STIMATE: variants seen among roughly 807,000 people sequenced by gnomAD.
The protein encoded by STIMATE is STIM activating enhancer.
A neutral mutation model predicts 36.7 loss-of-function variants in STIMATE; 15 were observed. That is an observed-to-expected ratio of 0.41 (90% CI 0.27 to 0.63). The LOEUF (loss-of-function observed/expected upper bound fraction) is 0.63. Among genes scored for constraint, STIMATE ranks in the 20% least tolerant of loss-of-function variants. The pLI, the probability that STIMATE is intolerant of heterozygous loss-of-function variation, is 0.32. For synonymous variants in STIMATE, 163 were observed against 162.3 expected, an observed-to-expected ratio of 1.00 and a Z score of -0.03; for missense variants, 305 against 397.3, an observed-to-expected ratio of 0.77 and a Z score of 1.98.
intron 2 of STIMATE, 73 bp downstream of exon 2, chr3:52,855,323 A>T: frequency 1.3e-6 from 2 of 1,546,728 alleles, no homozygotes; most frequent in Non-Finnish European, 1.8e-6. Context: ...CCAACACCAT[A>T]CCCCACCCCC....
At chr3:52,841,553 C>T (rs1404946990) in intron 7 of STIMATE, 1 of 152,254 alleles carries the variant, frequency 6.6e-6, no homozygotes, top group Non-Finnish European at 1.5e-5. Context: ...GGTCCAAAGC[C>T]CACCTATGCA....
At chr3:52,843,282 A>G (rs976962655) in intron 6 of STIMATE, 11 of 411,390 alleles carry the variant, frequency 2.7e-5, no homozygotes, top group East Asian at 4.8e-5. Context: ...CACAGACTCC[A>G]TGTGGGTGGC....
chr3:52,863,335 T>C (rs937509582), intron 1 of STIMATE, among the ~76,000 whole-genome samples: 20 of 151,930 alleles, frequency 1.3e-4, no homozygotes, highest in African/African-American at 4.8e-4. Flanking sequence ...CAAGAGAAAA[T>C]GAGGAAGATG....
At chr3:52,860,468 C>T in intron 1 of STIMATE, among the ~76,000 whole-genome samples, 1 of 152,110 alleles carries the variant, frequency 6.6e-6, no homozygotes, top group East Asian at 1.9e-4. Context: ...GGCAGAACAG[C>T]AGGGCGTGCG....
intron 1 of STIMATE, among the ~76,000 whole-genome samples, chr3:52,856,821 T>C (rs1701106941): frequency 6.6e-6 from 1 of 152,252 alleles, no homozygotes; most frequent in African/African-American, 2.4e-5. Context: ...CTTGGGTCTG[T>C]AGACACGATG....
intron 1 of STIMATE, chr3:52,895,843 A>G (rs898867612): frequency 2.4e-6 from 3 of 1,263,852 alleles, no homozygotes; most frequent in Non-Finnish European, 2.1e-6. Flanking sequence ...TGTCTGGAGG[A>G]CAGAGAAGTA....
chr3:52,859,531 A>AATTTTT (rs748928249), intron 1 of STIMATE, among the ~76,000 whole-genome samples: 4 of 18,814 alleles, frequency 2.1e-4, no homozygotes, highest in Non-Finnish European at 3.5e-4. Context: ...AAAAAAAAAA[A>AATTTTT]TTTTTTTTTT....
At chr3:52,844,140 C>T (rs976758799) in intron 5 of STIMATE, among the ~76,000 whole-genome samples, 3 of 152,142 alleles carry the variant, frequency 2.0e-5, no homozygotes, top group African/African-American at 4.8e-5. Flanking sequence ...ACAGTGGATG[C>T]TCATTATAGA....
chr3:52,854,250 GC>G (rs1701054787), intron 2 of STIMATE, among the ~76,000 whole-genome samples: 1 of 152,272 alleles, frequency 6.6e-6, no homozygotes, highest in African/African-American at 2.4e-5. Context: ...GAAGACAGGA[GC>G]CTTTTGCTCT....
At chr3:52,884,638 G>C (rs78737075) in intron 1 of STIMATE, among the ~76,000 whole-genome samples, 4,499 of 152,250 alleles carry the variant, frequency 0.03, 228 homozygotes, top group African/African-American at 0.1. Flanking sequence ...CCCTTTTCTA[G>C]AATTTCATAT....
intron 1 of STIMATE, among the ~76,000 whole-genome samples, chr3:52,878,997 A>T (rs1441918573): frequency 6.6e-6 from 1 of 152,070 alleles, no homozygotes; most frequent in Non-Finnish European, 1.5e-5. Context: ...AAGCAAAAAA[A>T]CTCTTCTTCT....
chr3:52,865,580 A>C (rs1701292391), intron 1 of STIMATE, among the ~76,000 whole-genome samples: 1 of 150,714 alleles, frequency 6.6e-6, no homozygotes, highest in South Asian at 2.1e-4. Flanking sequence ...TAAACCCATC[A>C]GATCTCATGA....
At chr3:52,859,645 T>C (rs868308225) in intron 1 of STIMATE, among the ~76,000 whole-genome samples, 1 of 141,086 alleles carries the variant, frequency 7.1e-6, no homozygotes, top group South Asian at 2.3e-4. Context: ...CACTGTACTC[T>C]ACCCTGGGGA....
intron 5 of STIMATE, 22 bp from the exon 6 acceptor site, chr3:52,843,820 G>T: frequency 1.9e-6 from 3 of 1,598,940 alleles, no homozygotes; most frequent in Non-Finnish European, 1.7e-6. Flanking sequence ...AGCAGACTCA[G>T]TGAGGTAGGG....
At chr3:52,844,696 A>G in intron 5 of STIMATE, 133 bp downstream of exon 5, 1 of 986,018 alleles carries the variant, frequency 1.0e-6, no homozygotes, top group Non-Finnish European at 1.5e-6. Flanking sequence ...TTGCCACATC[A>G]GACCAAATGC....
chr3:52,849,954 C>G, intron 3 of STIMATE, 41 bp from the exon 4 acceptor site: 1 of 1,597,016 alleles, frequency 6.3e-7, no homozygotes, highest in Non-Finnish European at 8.6e-7. Flanking sequence ...GCAGAAGCCA[C>G]GGGGCCAGAG....
At position 52,840,457 on chromosome 3, in the gene STIMATE, G is replaced by A; in HGVS notation, c.*37C>T. On this transcript the variant is annotated 3_prime_UTR_variant, in exon 8 of 8. Transcript: ENST00000355083. ...GGATGACCTCTGCACACCAGCGGCT[G>A]GCGGGGCCCTCCCGTCACCCCCAGC... The A allele has an allele frequency of 1.2e-6, 2 of 1,608,170 alleles. No individual in the cohort carries two copies. Among genetic ancestry groups the A allele is most frequent in the Non-Finnish European group, 1.7e-6 (2 of 1,175,980 alleles).
intron 1 of STIMATE, among the ~76,000 whole-genome samples, chr3:52,863,235 A>C (rs1354551990): frequency 6.6e-6 from 1 of 152,164 alleles, no homozygotes; most frequent in Non-Finnish European, 1.5e-5. Context: ...TGGGAAGAAA[A>C]AGAGGTTTAA....
chr3:52,890,556 C>T (rs1701767102), intron 1 of STIMATE, among the ~76,000 whole-genome samples: 1 of 152,202 alleles, frequency 6.6e-6, no homozygotes, highest in African/African-American at 2.4e-5. Flanking sequence ...ACAGGAGAGC[C>T]TCCCACAAGA....
Sources: allele counts gnomAD v4.1 joint callset (sites outside exome capture counted in the v4.1 genomes callset), GRCh38; gene constraint gnomAD v4.1.1; transcripts MANE v1.5; gene names NCBI Gene and HGNC (gene_info 2026-07-23, HGNC 2026-07-21).